TSC22D2: variants seen among roughly 807,000 people sequenced by gnomAD.
TSC22D2 encodes the protein TSC22 domain family member 2, also known as TSC22 domain family protein 2.
Under a neutral mutation model 50.1 loss-of-function variants are expected in TSC22D2, and 5 were observed. The observed-to-expected ratio is 0.10, with a 90% confidence interval of 0.05 to 0.21. The LOEUF (loss-of-function observed/expected upper bound fraction) is 0.21, where lower values mean the gene tolerates loss of function less well. TSC22D2 is among the 10% of genes least tolerant of loss of function. The pLI is 1.00. For missense variants in TSC22D2, 1,003 were observed against 1,015.5 expected, an observed-to-expected ratio of 0.99 and a Z score of 0.17; for synonymous variants, 501 against 450.1, an observed-to-expected ratio of 1.11 and a Z score of -1.43.
rs1367257403 is a variant in TSC22D2 at position 150,409,666 on chromosome 3, G to A, written c.316G>A (p.Gly106Arg). ...AAAAAPANGGGVVSARSVSGA... is the reference protein window; with the variant it reads ...AAAAAPANGGRVVSARSVSGA... Reference sequence around the variant, plus strand: ...GGCTGCTGCTCCCGCCAACGGAGGAGGAGTCGTTTCGGCCCGGAGCGTGTC... The same window carrying A: ...GGCTGCTGCTCCCGCCAACGGAGGAAGAGTCGTTTCGGCCCGGAGCGTGTC... The change falls in exon 1 of 3, where the codon GGA becomes AGA. Residue 106 changes from glycine to arginine, a missense_variant. Around this residue, in one of 6 missense-constraint regions of TSC22D2, gnomAD observed 200 missense variants for 182.8 expected, o/e 1.09. Coordinates refer to ENST00000688009, the MANE Select transcript of TSC22D2 (RefSeq NM_001303264.2). The surrounding 1 kb of genome is among the most constrained non-coding windows in gnomAD (Gnocchi z 7.4). 6.2e-7 allele frequency: 1 copy of A among 1,600,086 alleles called. No individual in the cohort carries two copies. Among genetic ancestry groups the A allele is most frequent in the Non-Finnish European group, 8.5e-7 (1 of 1,173,396 alleles).
At position 150,464,011 on chromosome 3, in the gene TSC22D2, T is replaced by C. The variant is rs1033927170; in HGVS notation, c.*5375T>C. The C allele has an allele frequency of 6.6e-6, 1 of 152,134 alleles. No homozygotes were observed. The highest frequency in any genetic ancestry group is 1.5e-5 in the Non-Finnish European group (1 of 68,036). 9.4% of individuals were successfully genotyped at this position (152,134 alleles called of 1,614,324 possible). ...ACTACAACATTGTCCACAGAAGCCA[T>C]ATTTATCCCCTTGGAGGGAAGGGAA... On this transcript the variant is annotated 3_prime_UTR_variant, in exon 3 of 3. Transcript: ENST00000688009.
At position 150,457,016 on chromosome 3, in the gene TSC22D2, T is replaced by C. The variant is rs746492212; in HGVS notation, c.1959-60T>C. The C allele has an allele frequency of 3.5e-6, 5 of 1,440,216 alleles. No homozygotes were observed. In the African/African-American group the frequency reaches 5.6e-5, roughly 16 times the overall value. The allele number at this position is 1,440,216 out of a possible 1,614,324, so 89.2% of individuals were successfully genotyped here. On this transcript the variant is annotated intron_variant, in intron 1 of 2. Transcript: ENST00000688009. ...AAACACAAATGTCTTTTACATTCTT[T>C]TAAGAGTTGGAAGGGAGGTTAAATT...
At chr3:150,430,769 C>T (rs1289054547) in intron 1 of TSC22D2, among the ~76,000 whole-genome samples, 3 of 151,984 alleles carry the variant, frequency 2.0e-5, no homozygotes, top group Admixed American at 6.6e-5. Context: ...AAGGGTCAAG[C>T]CAGGACCTTA....
intron 1 of TSC22D2, among the ~76,000 whole-genome samples, chr3:150,419,749 T>G (rs1719942994): frequency 6.6e-6 from 1 of 152,158 alleles, no homozygotes; most frequent in Admixed American, 6.5e-5. Flanking sequence ...ATTAATGTGA[T>G]GGACTATTGA....
intron 1 of TSC22D2, among the ~76,000 whole-genome samples, chr3:150,450,235 A>G (rs1721001331): frequency 6.6e-6 from 1 of 152,138 alleles, no homozygotes. Context: ...GTTTTTGTAG[A>G]AGATGCTGAC....
intron 1 of TSC22D2, among the ~76,000 whole-genome samples, chr3:150,424,923 T>C (rs946333295): frequency 9.2e-5 from 14 of 152,206 alleles, no homozygotes; most frequent in African/African-American, 3.1e-4. Context: ...TATTAAATTT[T>C]CCATTGAGAG....
rs993179992 is a variant in TSC22D2, at chr3:150,460,860, A to G, written c.*2224A>G. 4.6e-5 allele frequency: 7 copies of G among 152,212 alleles called. No individual in the cohort carries two copies. Among genetic ancestry groups the G allele is most frequent in the African/African-American group, 1.4e-4 (6 of 41,454 alleles). The allele number at this position is 152,212 out of a possible 1,614,324, so 9.4% of individuals were successfully genotyped here. A position where few individuals can be genotyped will look rare whatever the true frequency, so the allele number is the denominator to read the frequency against. ...AAAAACACTTCATAAACAAAGTAAT[A>G]GTCTCCAAGGAAATGAATAATAAGG... is the stretch of plus-strand genomic sequence containing the variant. On this transcript the variant is annotated 3_prime_UTR_variant, in exon 3 of 3. Transcript: ENST00000688009.
In TSC22D2 at chr3:150,408,406, C is replaced by G. The variant is rs1232006050; in HGVS notation, c.-945C>G. 1 of 152,616 alleles carries G rather than the reference C, an allele frequency of 6.6e-6. No individual in the cohort carries two copies. Among genetic ancestry groups the G allele is most frequent in the Non-Finnish European group, 1.5e-5 (1 of 68,300 alleles). 9.5% of individuals were successfully genotyped at this position (152,616 alleles called of 1,614,324 possible). A position where few individuals can be genotyped will look rare whatever the true frequency, so the allele number is the denominator to read the frequency against. On this transcript the variant is annotated 5_prime_UTR_variant, in exon 1 of 3. Coordinates refer to ENST00000688009, the MANE Select transcript of TSC22D2 (RefSeq NM_001303264.2). ...GAGGGAGCTGCAGCCGCCGCTTCAG[C>G]AGTTTGAATTTCAGTTTCTTCGGGG...
At chr3:150,444,091 C>T (rs1461468590) in intron 1 of TSC22D2, among the ~76,000 whole-genome samples, 1 of 152,072 alleles carries the variant, frequency 6.6e-6, no homozygotes, top group Non-Finnish European at 1.5e-5. Context: ...GAAACTGGCG[C>T]ACTTTCCTTC....
chr3:150,449,968 C>CT (rs948019012), intron 1 of TSC22D2, among the ~76,000 whole-genome samples: 3 of 151,438 alleles, frequency 2.0e-5, no homozygotes, highest in Non-Finnish European at 2.9e-5. Context: ...TTATTAGAGA[C>CT]TTTTTAACTT....
At chr3:150,442,680 C>T (rs547182090) in intron 1 of TSC22D2, among the ~76,000 whole-genome samples, 6 of 152,270 alleles carry the variant, frequency 3.9e-5, no homozygotes, top group Non-Finnish European at 5.9e-5. Context: ...AGTCATATCT[C>T]GGTTTTGGTG....
intron 1 of TSC22D2, among the ~76,000 whole-genome samples, chr3:150,426,751 A>C (rs986966787): frequency 4.6e-5 from 7 of 152,184 alleles, no homozygotes; most frequent in Non-Finnish European, 8.8e-5. Context: ...GAAGTTAATA[A>C]GGAAAGTAGT....
chr3:150,428,167 G>A (rs1487432324), intron 1 of TSC22D2, among the ~76,000 whole-genome samples: 1 of 151,974 alleles, frequency 6.6e-6, no homozygotes, highest in African/African-American at 2.4e-5. Flanking sequence ...AGCAAGTCTG[G>A]TCTTATTGGT....
chr3:150,454,294 A>G (rs373483236), intron 1 of TSC22D2, among the ~76,000 whole-genome samples: 1 of 152,210 alleles, frequency 6.6e-6, no homozygotes, highest in African/African-American at 2.4e-5. Flanking sequence ...ACCCGAGAGA[A>G]CATATGTTCC....
At chr3:150,417,717 A>G (rs761114397) in intron 1 of TSC22D2, among the ~76,000 whole-genome samples, 8 of 152,130 alleles carry the variant, frequency 5.3e-5, no homozygotes, top group Non-Finnish European at 1.2e-4. Context: ...CAGAAATGTT[A>G]ATATTTCAGT....
intron 1 of TSC22D2, among the ~76,000 whole-genome samples, chr3:150,441,371 A>G (rs1447131456): frequency 6.6e-6 from 1 of 152,186 alleles, no homozygotes; most frequent in Non-Finnish European, 1.5e-5. Flanking sequence ...ATATTTTGAC[A>G]TCTGTGATAG....
intron 1 of TSC22D2, among the ~76,000 whole-genome samples, chr3:150,442,205 TC>T (rs746849380): frequency 3.1e-5 from 3 of 98,194 alleles, no homozygotes; most frequent in Non-Finnish European, 5.0e-5. Flanking sequence ...TCTTTCCTGA[TC>T]CAAGAGCTAT....
chr3:150,410,142 C>G lies in TSC22D2; in HGVS notation c.792C>G (p.Ala264=). ...AGAAAATGAGCCAGCCCACTCCGGC[C>G]CAGCCGCAGAGTTTTAGCGTTGGGC... The part of the protein sequence containing the change: ...PSEKMSQPTP[A]QPQSFSVGQP... Residue 264 remains alanine (A), a synonymous_variant, in exon 1 of 3, where the codon GCC becomes GCG. Coordinates refer to ENST00000688009, the MANE Select transcript of TSC22D2 (RefSeq NM_001303264.2). The G allele has an allele frequency of 6.2e-7, 1 of 1,612,102 alleles. No homozygotes were observed. Among genetic ancestry groups the G allele is most frequent in the Non-Finnish European group, 8.5e-7 (1 of 1,179,744 alleles).
intron 1 of TSC22D2, among the ~76,000 whole-genome samples, chr3:150,416,405 T>C (rs1256084517): frequency 6.6e-6 from 1 of 152,140 alleles, no homozygotes; most frequent in Non-Finnish European, 1.5e-5. Context: ...TGGTAAGAAA[T>C]ATTAATCATA....
Sources: allele counts gnomAD v4.1 joint callset (sites outside exome capture counted in the v4.1 genomes callset), GRCh38; gene constraint gnomAD v4.1.1; regional missense constraint gnomAD v4.1.1; non-coding constraint Gnocchi (gnomAD v3.1); transcripts MANE v1.5; gene names NCBI Gene and HGNC (gene_info 2026-07-23, HGNC 2026-07-21).